The following EBF3 variants were observed in gnomAD, a reference collection of about 807,000 sequenced individuals.
The protein encoded by EBF3 is EBF transcription factor 3.
A neutral mutation model predicts 77.1 loss-of-function variants in EBF3; 18 were observed. The observed-to-expected ratio is 0.23, with a 90% CI of 0.16 to 0.35. The LOEUF (loss-of-function observed/expected upper bound fraction) is 0.35. Ranked by LOEUF, EBF3 falls within the 10% of genes least tolerant of loss-of-function variation. The pLI is 1.00. For missense variants in EBF3, 558 were observed against 860.0 expected (o/e 0.65, Z 4.39); for synonymous variants, 350 against 343.5 (o/e 1.02, Z -0.21).
At position 129,964,229 on chromosome 10, in the gene EBF3, C is replaced by T; in HGVS notation, c.-461G>A. The T allele has an allele frequency of 1.0e-6, 1 of 984,986 alleles. No individual in the cohort carries two copies. Among genetic ancestry groups the T allele is most frequent in the Non-Finnish European group, 1.2e-6 (1 of 829,806 alleles). 61.0% of individuals were successfully genotyped at this position (984,986 alleles called of 1,614,324 possible). Reference sequence around the variant, plus strand: ...GCGGCGGGGCCTGGAGCGGCGCGCGCAGCGGACGGAGGCGCACAAAACTCA... The same window carrying T: ...GCGGCGGGGCCTGGAGCGGCGCGCGTAGCGGACGGAGGCGCACAAAACTCA... On this transcript the variant is annotated 5_prime_UTR_variant, in exon 1 of 17. Transcript: ENST00000440978. This position sits in a 1 kb window ranked among gnomAD's most constrained non-coding sequence, Gnocchi z 4.5.
chr10:129,841,345 C>T lies in EBF3; in HGVS notation c.1373-313G>A, dbSNP rs535481187. Among the ~76,000 whole-genome samples, 6 of 152,184 alleles carry T rather than the reference C, an allele frequency of 3.9e-5. No homozygotes were observed. The highest frequency in any genetic ancestry group is 2.1e-4 in the South Asian group (1 of 4,826). On this transcript the variant is annotated intron_variant, in intron 13 of 16. Transcript: ENST00000440978. This position sits in a 1 kb window ranked among gnomAD's most constrained non-coding sequence, Gnocchi z 4.6. Reference sequence around the variant, plus strand: ...AGCTTGGATTCCTGGTCTGTCCCCCCACGCTCTGTGAACTTTCGGCCTCTG... The same window carrying T: ...AGCTTGGATTCCTGGTCTGTCCCCCTACGCTCTGTGAACTTTCGGCCTCTG...
Position 129,943,157 on chromosome 10 carries a change from C to T in EBF3, c.554+14101G>A, listed in dbSNP as rs886423713. Among the ~76,000 whole-genome samples the T allele has an allele frequency of 1.3e-5, 2 of 152,236 alleles. No individual in the cohort carries two copies. Among genetic ancestry groups the T allele is most frequent in the African/African-American group, 2.4e-5 (1 of 41,460 alleles). ...ACTTCCTCCACATAAACAAGGCCCG[C>T]CAGAGCCAGAGAGCTGCCAGGCAGC... On this transcript the variant is annotated intron_variant, in intron 6 of 16. Coordinates refer to ENST00000440978, the MANE Select transcript of EBF3 (RefSeq NM_001375380.1). This position sits in a 1 kb window ranked among gnomAD's most constrained non-coding sequence, Gnocchi z 8.8.
intron 4 of EBF3, among the ~76,000 whole-genome samples, chr10:129,960,358 T>C (rs2134635823): frequency 6.6e-6 from 1 of 152,038 alleles, no homozygotes; most frequent in Non-Finnish European, 1.5e-5. Context: ...AGAGGGAAGG[T>C]TCCCCGCGAA....
intron 6 of EBF3, among the ~76,000 whole-genome samples, chr10:129,900,622 T>G (rs566745867): frequency 6.6e-6 from 1 of 152,252 alleles, no homozygotes; most frequent in Non-Finnish European, 1.5e-5. Context: ...CTCCTCACTT[T>G]GAGGAAATTT....
At chr10:129,905,766 T>C (rs2134265315) in intron 6 of EBF3, among the ~76,000 whole-genome samples, 1 of 152,314 alleles carries the variant, frequency 6.6e-6, no homozygotes, top group East Asian at 1.9e-4. Flanking sequence ...CTGGGAACCC[T>C]GGAATTGAAC....
chr10:129,903,557 C>T (rs1310122666), intron 6 of EBF3, among the ~76,000 whole-genome samples: 1 of 152,306 alleles, frequency 6.6e-6, no homozygotes, highest in East Asian at 1.9e-4. Context: ...TAAACCTATT[C>T]GATGAGGAAA....
rs1218526913 is a variant in EBF3, at chr10:129,870,621, G to C, written c.782-2709C>G. On this transcript the variant is annotated intron_variant, in intron 8 of 16. Coordinates refer to ENST00000440978, the MANE Select transcript of EBF3 (RefSeq NM_001375380.1). This position sits in a 1 kb window ranked among gnomAD's most constrained non-coding sequence, Gnocchi z 4.4. ...CTCTCAGCTACTTGGGAGAAGAGGC[G>C]CTCACAAGGAACACCCTCTGCCCAT... 6.6e-6 allele frequency among the ~76,000 whole-genome samples: 1 copy of C among 152,100 alleles called. No homozygotes were observed. The highest frequency in any genetic ancestry group is 1.5e-5 in the Non-Finnish European group (1 of 68,022).
At chr10:129,845,345 T>C (rs1333928485) in intron 11 of EBF3, 1 of 152,264 alleles carries the variant, frequency 6.6e-6, no homozygotes, top group African/African-American at 2.4e-5. Flanking sequence ...TGTAATTGGC[T>C]GCCTTTCAAT....
At chr10:129,912,216 G>A (rs1169961119) in intron 6 of EBF3, among the ~76,000 whole-genome samples, 1 of 152,206 alleles carries the variant, frequency 6.6e-6, no homozygotes, top group Non-Finnish European at 1.5e-5. Flanking sequence ...GGTAGAGGGA[G>A]AGGCAAGCTG....
chr10:129,880,892 CAG>C (rs1435732284), intron 6 of EBF3, among the ~76,000 whole-genome samples: 4 of 152,168 alleles, frequency 2.6e-5, no homozygotes, highest in African/African-American at 7.2e-5. Flanking sequence ...TGATATTGTG[CAG>C]AGTTACACAC....
intron 6 of EBF3, among the ~76,000 whole-genome samples, chr10:129,910,385 A>C (rs1855444554): frequency 6.6e-6 from 1 of 152,146 alleles, no homozygotes; most frequent in Non-Finnish European, 1.5e-5. Flanking sequence ...AAAACCAAGA[A>C]ACAGCTATGT....
rs1859654166 is a variant in EBF3 at position 129,963,104 on chromosome 10, A to G, written c.292-99T>C. The G allele has an allele frequency of 9.0e-6, 13 of 1,447,950 alleles. No homozygotes were observed. The Admixed American group carries it at 2.0e-4, about 23-fold the overall frequency. 89.7% of individuals were successfully genotyped at this position (1,447,950 alleles called of 1,614,324 possible). On this transcript the variant is annotated intron_variant, in intron 2 of 16. Coordinates refer to ENST00000440978, the MANE Select transcript of EBF3 (RefSeq NM_001375380.1). The surrounding 1 kb of genome is among the most constrained non-coding windows in gnomAD (Gnocchi z 7.1). Reference sequence around the variant, plus strand: ...GCGACCGAGGCTCTCGGCCTCACACATGGCAGGATTCCTAGCTCGAAGCAG... The same window carrying G: ...GCGACCGAGGCTCTCGGCCTCACACGTGGCAGGATTCCTAGCTCGAAGCAG...
At chr10:129,922,182 T>G (rs1054016629) in intron 6 of EBF3, among the ~76,000 whole-genome samples, 1 of 151,950 alleles carries the variant, frequency 6.6e-6, no homozygotes, top group African/African-American at 2.4e-5. Flanking sequence ...AAGAGCAGAG[T>G]CCTCTCTCTC....
intron 6 of EBF3, among the ~76,000 whole-genome samples, chr10:129,945,057 CGGGGAGGGGA>C (rs1244566200): frequency 4.1e-5 from 3 of 72,754 alleles, no homozygotes; most frequent in Non-Finnish European, 5.8e-5. Flanking sequence ...GGAAGATGGG[CGGGGAGGGGA>C]GGGGAGGGGA....
At position 129,837,754 on chromosome 10, in the gene EBF3, C is replaced by T. The variant is rs1258009650; in HGVS notation, c.*189G>A. 37 of 664,832 alleles carry T rather than the reference C, an allele frequency of 5.6e-5. No individual in the cohort carries two copies. The South Asian group carries it at 7.1e-4, about 13-fold the overall frequency. The allele number at this position is 664,832 out of a possible 1,614,324, so 41.2% of individuals were successfully genotyped here. ...TGTTCATGAAGAAGTAGGCTGTTTG[C>T]ATGTTGATTCTTAATAGTTTAAATA... On this transcript the variant is annotated 3_prime_UTR_variant, in exon 17 of 17. Transcript: ENST00000440978.
chr10:129,840,130 G>A (rs1218137184), intron 15 of EBF3, 115 bp downstream of exon 15: 3 of 1,358,140 alleles, frequency 2.2e-6, no homozygotes, highest in East Asian at 2.5e-5. Flanking sequence ...TGGGCCACGG[G>A]AGAACATGCA....
chr10:129,960,360 C>A (rs1281746563), intron 4 of EBF3, among the ~76,000 whole-genome samples: 1 of 152,160 alleles, frequency 6.6e-6, no homozygotes, highest in African/African-American at 2.4e-5. Context: ...AGGGAAGGTT[C>A]CCCGCGAACC....
chr10:129,858,734 C>T (rs1484509076), intron 10 of EBF3, among the ~76,000 whole-genome samples: 1 of 152,182 alleles, frequency 6.6e-6, no homozygotes, highest in East Asian at 1.9e-4. Context: ...CTTTAGGCTT[C>T]CTCAGATGCC....
chr10:129,951,533 G>A (rs1276385579), intron 6 of EBF3, among the ~76,000 whole-genome samples: 1 of 152,252 alleles, frequency 6.6e-6, no homozygotes, highest in Non-Finnish European at 1.5e-5. Context: ...CCGAGTTGGT[G>A]GAGAGTGATG....
Sources: allele counts gnomAD v4.1 joint callset (sites outside exome capture counted in the v4.1 genomes callset), GRCh38; gene constraint gnomAD v4.1.1; non-coding constraint Gnocchi (gnomAD v3.1); transcripts MANE v1.5; gene names NCBI Gene and HGNC (gene_info 2026-07-23, HGNC 2026-07-21).